The following NTRK2 variants were observed in gnomAD, a reference collection of about 807,000 sequenced individuals.
NTRK2 encodes BDNF/NT-3 growth factors receptor.
Under a neutral mutation model 94.5 loss-of-function variants are expected in NTRK2, and 13 were observed. The observed-to-expected ratio is 0.14, with a 90% CI of 0.09 to 0.22. NTRK2 has a LOEUF of 0.22. Among genes scored for constraint, NTRK2 ranks in the 10% least tolerant of loss-of-function variants. The probability of loss-of-function intolerance (pLI) is 1.00; values close to 1 mark genes in which losing one functional copy is unlikely to be tolerated. For synonymous variants in NTRK2, 372 were observed against 407.4 expected (o/e 0.91, Z 1.05); for missense variants, 639 against 1,071.2 (o/e 0.60, Z 5.63).
chr9:84,959,354 G>A (rs887084398), intron 17 of NTRK2, among the ~76,000 whole-genome samples: 1 of 152,188 alleles, frequency 6.6e-6, no homozygotes, highest in East Asian at 1.9e-4. Flanking sequence ...TGGTGATTGG[G>A]CATGGAGTCA....
At chr9:84,921,665 G>A (rs188113860) in intron 14 of NTRK2, among the ~76,000 whole-genome samples, 22 of 152,178 alleles carry the variant, frequency 1.4e-4, no homozygotes, top group African/African-American at 5.1e-4. Flanking sequence ...GATATGGCTG[G>A]AATAAAGATA....
intron 12 of NTRK2, among the ~76,000 whole-genome samples, chr9:84,851,040 T>C (rs936784991): frequency 5.3e-5 from 8 of 152,146 alleles, no homozygotes; most frequent in African/African-American, 1.9e-4. Flanking sequence ...CTGTTGACAT[T>C]TGGGGCCTTG....
intron 12 of NTRK2, among the ~76,000 whole-genome samples, chr9:84,805,450 G>A (rs1239908181): frequency 6.6e-6 from 1 of 152,202 alleles, no homozygotes; most frequent in African/African-American, 2.4e-5. Flanking sequence ...AGTACTCACT[G>A]TGTGTCCACG....
intron 17 of NTRK2, among the ~76,000 whole-genome samples, chr9:84,991,777 T>A (rs1030307824): frequency 6.6e-6 from 1 of 152,156 alleles, no homozygotes; most frequent in African/African-American, 2.4e-5. Flanking sequence ...CAGTGCCCCC[T>A]TGCAGTTCCT....
chr9:84,891,169 A>C (rs2076582516), intron 14 of NTRK2, among the ~76,000 whole-genome samples: 1 of 152,036 alleles, frequency 6.6e-6, no homozygotes, highest in South Asian at 2.1e-4. Context: ...ATTGTCAGCC[A>C]AGGGCCCCAG....
At chr9:84,893,164 A>G (rs1244618519) in intron 14 of NTRK2, among the ~76,000 whole-genome samples, 2 of 152,076 alleles carry the variant, frequency 1.3e-5, no homozygotes, top group Non-Finnish European at 2.9e-5. Context: ...GGTCTCTCCT[A>G]TGTCTTTCCA....
chr9:84,687,862 C>A (rs2059811226), intron 2 of NTRK2, among the ~76,000 whole-genome samples: 1 of 152,024 alleles, frequency 6.6e-6, no homozygotes, highest in Non-Finnish European at 1.5e-5. Flanking sequence ...TTCAAGGGCA[C>A]AAACAGAGCC....
intron 14 of NTRK2, among the ~76,000 whole-genome samples, chr9:84,894,299 G>A (rs2076693544): frequency 6.6e-6 from 1 of 152,128 alleles, no homozygotes; most frequent in African/African-American, 2.4e-5. Context: ...AGTTTAACGC[G>A]ACACAGTTCG....
intron 12 of NTRK2, among the ~76,000 whole-genome samples, chr9:84,822,878 G>A (rs2072940063): frequency 6.6e-6 from 1 of 152,120 alleles, no homozygotes; most frequent in Admixed American, 6.5e-5. Flanking sequence ...GGTCTACGAG[G>A]TGCATTCTCA....
intron 16 of NTRK2, among the ~76,000 whole-genome samples, chr9:84,950,725 TAC>T (rs1203637593): frequency 6.6e-6 from 1 of 152,230 alleles, no homozygotes; most frequent in Non-Finnish European, 1.5e-5. Context: ...ACAGTTTCCT[TAC>T]CTGTGAAAGG....
chr9:84,839,843 T>C lies in NTRK2; in HGVS notation c.1397-21197T>C, dbSNP rs202009172. ...AGTGTGTCTGCAAAATGCAGACAAA[T>C]TGCTGCTCTTTATTAGAGGTACGGA... On this transcript the variant is annotated intron_variant, in intron 12 of 18. Coordinates refer to ENST00000277120, the MANE Select transcript of NTRK2 (RefSeq NM_006180.6). Among the ~76,000 whole-genome samples the C allele has an allele frequency of 2.4e-4, 36 of 152,308 alleles. No homozygotes were observed. In the East Asian group the frequency reaches 6.8e-3, roughly 29 times the overall value.
chr9:84,742,762 A>G (rs1479875706), intron 10 of NTRK2, among the ~76,000 whole-genome samples: 1 of 151,270 alleles, frequency 6.6e-6, no homozygotes, highest in African/African-American at 2.4e-5. Flanking sequence ...GAACGTGGAA[A>G]GAAAGAAACC....
chr9:84,681,561 G>T (rs13293643), intron 2 of NTRK2, among the ~76,000 whole-genome samples: 4,212 of 152,170 alleles, frequency 0.028, 72 homozygotes, highest in Admixed American at 0.044. Context: ...GCAGTGTGTG[G>T]GAGTGGGGGA....
chr9:84,684,847 A>G (rs896489829), intron 2 of NTRK2, among the ~76,000 whole-genome samples: 5 of 152,176 alleles, frequency 3.3e-5, no homozygotes, highest in Non-Finnish European at 7.3e-5. Flanking sequence ...GGCCTTTTCA[A>G]AAAATAATAA....
At chr9:84,733,772 T>C (rs1306191427) in intron 9 of NTRK2, among the ~76,000 whole-genome samples, 1 of 152,212 alleles carries the variant, frequency 6.6e-6, no homozygotes. Context: ...GCAGAAAATA[T>C]AGGCAATGGA....
chr9:84,770,769 T>A (rs1178854892), intron 12 of NTRK2, among the ~76,000 whole-genome samples: 1 of 152,174 alleles, frequency 6.6e-6, no homozygotes, highest in Non-Finnish European at 1.5e-5. Flanking sequence ...TTCATAATAA[T>A]CTTGCTTTTT....
At chr9:84,704,443 G>A (rs1050426952) in intron 4 of NTRK2, among the ~76,000 whole-genome samples, 3 of 151,656 alleles carry the variant, frequency 2.0e-5, no homozygotes, top group African/African-American at 7.3e-5. Context: ...AGCCAGGATG[G>A]TCTCGATCTC....
At chr9:85,003,187 A>C (rs1417162089) in intron 17 of NTRK2, among the ~76,000 whole-genome samples, 3 of 152,204 alleles carry the variant, frequency 2.0e-5, no homozygotes, top group African/African-American at 7.2e-5. Context: ...TGAGATCATT[A>C]AAAAGGGATG....
At chr9:84,998,559 C>A (rs1052068315) in intron 17 of NTRK2, among the ~76,000 whole-genome samples, 1 of 152,220 alleles carries the variant, frequency 6.6e-6, no homozygotes, top group Non-Finnish European at 1.5e-5. Flanking sequence ...TTTGCCTCCA[C>A]GGCCAAGGGG....
Sources: gnomAD v4.1 joint callset for allele counts (sites outside exome capture counted in the v4.1 genomes callset) on GRCh38, gnomAD v4.1.1 for gene constraint, MANE v1.5 for transcripts, NCBI Gene and HGNC (gene_info 2026-07-23, HGNC 2026-07-21) for gene names.